SLC22A25: variants seen among roughly 807,000 people sequenced by gnomAD.
SLC22A25 encodes solute carrier family 22 member 25.
Under a neutral mutation model 45.9 loss-of-function variants are expected in SLC22A25, and 44 were observed. The observed-to-expected ratio is 0.96, with a 90% CI of 0.75 to 1.23. The LOEUF (loss-of-function observed/expected upper bound fraction) is 1.23, where lower values mean the gene tolerates loss of function less well. Ranked by LOEUF, SLC22A25 falls within the 50% of genes most tolerant of loss-of-function variation. SLC22A25 has a pLI of 0.00. For synonymous variants in SLC22A25, 283 were observed against 238.6 expected (o/e 1.19, Z -1.72); for missense variants, 800 against 666.4 (o/e 1.20, Z -2.21).
Position 63,227,937 on chromosome 11 carries a change from C to T in SLC22A25, c.506+524G>A, listed in dbSNP as rs75780693. The stretch of plus-strand genomic sequence containing the variant: ...AGCACTGAGTCCCAATGCAAAGTCC[C>T]GTAATTGCTGTGCTCTTCCTCCCCC... On this transcript the variant is annotated intron_variant, in intron 5 of 11. Coordinates refer to ENST00000306494, the MANE Select transcript of SLC22A25 (RefSeq NM_199352.6). 5.2e-3 allele frequency among the ~76,000 whole-genome samples: 796 copies of T among 152,290 alleles called. 38 individuals carry two copies. In the East Asian group the frequency reaches 0.11, roughly 21 times the overall value.
At position 63,228,526 on chromosome 11, in the gene SLC22A25, T is replaced by C. The variant is rs764098910; in HGVS notation, c.441A>G (p.Val147=). ...TTCCAGCCATGAATAGAAATTTAGC[T>C]ACTGAATTCAGTGGTTGAGATTCGC... ...LVCESQPLNS[V]AKFLFMAGMM... is the part of the protein sequence containing the mutation. The change falls in exon 5 of 12, where the codon GTA becomes GTG. Residue 147 remains valine, a synonymous_variant. Coordinates refer to ENST00000306494, the MANE Select transcript of SLC22A25 (RefSeq NM_199352.6). 3.7e-6 allele frequency: 6 copies of C among 1,613,914 alleles called. No individual in the cohort carries two copies. In the South Asian group the frequency reaches 5.5e-5, roughly 15 times the overall value.
chr11:63,178,146 C>T (rs1248355930), intron 9 of SLC22A25, among the ~76,000 whole-genome samples: 2 of 151,926 alleles, frequency 1.3e-5, no homozygotes, highest in Non-Finnish European at 2.9e-5. Flanking sequence ...CCACCTTGGC[C>T]TCCCAAAATT....
intron 3 of SLC22A25, among the ~76,000 whole-genome samples, chr11:63,232,658 T>C (rs949981975): frequency 1.4e-4 from 22 of 152,152 alleles, no homozygotes; most frequent in Non-Finnish European, 2.5e-4. Context: ...TGGCCAGAAC[T>C]TCCAACACTA....
In SLC22A25 at chr11:63,183,694, C is replaced by T. The variant is rs1183321737; in HGVS notation, c.954G>A (p.Glu318=). The change falls in exon 8 of 12, where the codon GAG becomes GAA. Residue 318 remains glutamate (E), a splice_region_variant and synonymous_variant. Coordinates refer to ENST00000306494, the MANE Select transcript of SLC22A25 (RefSeq NM_199352.6). ...CATATCCAGCTCCCGTCTTGCTTACCTCCATGGTTAGGATGTCTTCAGCAT... is the reference window on the plus strand; with the variant it reads ...CATATCCAGCTCCCGTCTTGCTTACTTCCATGGTTAGGATGTCTTCAGCAT... ...MKNAEDILTM[E]VLKSTMKQEL... is the part of the protein sequence containing the mutation. The T allele has an allele frequency of 1.2e-6, 2 of 1,612,724 alleles. No individual in the cohort carries two copies. Among genetic ancestry groups the T allele is most frequent in the Admixed American group, 1.7e-5 (1 of 59,938 alleles).
At chr11:63,183,598 G>T in intron 8 of SLC22A25, 96 bp downstream of exon 8, 1 of 1,520,168 alleles carries the variant, frequency 6.6e-7, no homozygotes, top group Non-Finnish European at 9.0e-7. Context: ...AACTCTACCT[G>T]TGTTTCTCTC....
rs537304477 is a variant in SLC22A25 at position 63,163,469 on chromosome 11, A to T, written c.*355T>A. Among the ~76,000 whole-genome samples the T allele has an allele frequency of 6.6e-6, 1 of 152,306 alleles. No homozygotes were observed. Among genetic ancestry groups the T allele is most frequent in the Admixed American group, 6.5e-5 (1 of 15,296 alleles). The stretch of plus-strand genomic sequence containing the variant: ...GGGAGTCAGGCCTGTAAGCACTGGC[A>T]ATCCCAGACAGCTAACAGGTACACT... On this transcript the variant is annotated 3_prime_UTR_variant, in exon 12 of 12. Coordinates refer to ENST00000306494, the MANE Select transcript of SLC22A25 (RefSeq NM_199352.6).
intron 5 of SLC22A25, among the ~76,000 whole-genome samples, chr11:63,219,622 T>C (rs2134821024): frequency 6.6e-6 from 1 of 152,320 alleles, no homozygotes; most frequent in African/African-American, 2.4e-5. Context: ...ATATCCAAAG[T>C]ATCAATTTGA....
At chr11:63,214,663 T>C (rs2089664417) in intron 7 of SLC22A25, among the ~76,000 whole-genome samples, 1 of 152,182 alleles carries the variant, frequency 6.6e-6, no homozygotes, top group Admixed American at 6.5e-5. Flanking sequence ...AATGATGTAA[T>C]GCATGTCTCA....
chr11:63,235,537 T>A (rs200093858), intron 3 of SLC22A25, among the ~76,000 whole-genome samples: 1 of 152,174 alleles, frequency 6.6e-6, no homozygotes, highest in Non-Finnish European at 1.5e-5. Context: ...ATTCTAGTTA[T>A]CCATTCATCT....
rs1332398475 is a variant in SLC22A25, at chr11:63,159,877, G to A, written c.*3947C>T. 6.6e-6 allele frequency among the ~76,000 whole-genome samples: 1 copy of A among 152,202 alleles called. No individual in the cohort carries two copies. Among genetic ancestry groups the A allele is most frequent in the Non-Finnish European group, 1.5e-5 (1 of 68,044 alleles). On this transcript the variant is annotated 3_prime_UTR_variant, in exon 12 of 12. Transcript: ENST00000306494. ...ACTTGTTGGTAACTGGAGTAAAGGT[G>A]ACTCTTGCTATATTTTAGTAAAGAG...
chr11:63,225,403 A>T (rs2089940965), intron 5 of SLC22A25, among the ~76,000 whole-genome samples: 1 of 152,188 alleles, frequency 6.6e-6, no homozygotes. Context: ...CAAATATAGT[A>T]TTATAGGGTA....
intron 7 of SLC22A25, among the ~76,000 whole-genome samples, chr11:63,194,889 G>GAAAAAAAAAAAAAAAA (rs1565091135): frequency 2.1e-4 from 3 of 14,288 alleles, no homozygotes; most frequent in Non-Finnish European, 4.2e-4. Context: ...CAAATGGAAA[G>GAAAAAAAAAAAAAAAA]CAAAAAAAAA....
rs537631792 is a variant in SLC22A25 at position 63,159,329 on chromosome 11, T to A, written c.*4495A>T. On this transcript the variant is annotated 3_prime_UTR_variant, in exon 12 of 12. Coordinates refer to ENST00000306494, the MANE Select transcript of SLC22A25 (RefSeq NM_199352.6). The stretch of plus-strand genomic sequence containing the variant: ...ATCTCATCTTGAATTATAGCTCCCA[T>A]AGTTCCCACCTGTCATGGGAGGGAG... Among the ~76,000 whole-genome samples, 16 of 152,268 alleles carry A rather than the reference T, an allele frequency of 1.1e-4. No individual in the cohort carries two copies. The highest frequency in any genetic ancestry group is 3.9e-4 in the African/African-American group (16 of 41,558).
chr11:63,222,595 A>C (rs1252903276), intron 5 of SLC22A25, among the ~76,000 whole-genome samples: 2 of 151,992 alleles, frequency 1.3e-5, no homozygotes, highest in Non-Finnish European at 2.9e-5. Context: ...CTTCTTTTCC[A>C]GTTGGGTGCT....
chr11:63,236,324 A>C (rs1011646090), intron 3 of SLC22A25, among the ~76,000 whole-genome samples: 3 of 151,816 alleles, frequency 2.0e-5, no homozygotes, highest in African/African-American at 4.8e-5. Flanking sequence ...TTGTTTACCT[A>C]CTCAAGCCTG....
chr11:63,217,378 G>C lies in SLC22A25; in HGVS notation c.766C>G (p.Arg256Gly). Residue 256 changes from arginine to glycine, a missense_variant, in exon 7 of 12, where the codon CGA becomes GGA. Transcript: ENST00000306494. Reference sequence around the variant, plus strand: ...ACCAACTGGAGGATGCACTGGTCTCGAATGACAAAAGCCAGGCTTCCCAGG... The same window carrying C: ...ACCAACTGGAGGATGCACTGGTCTCCAATGACAAAAGCCAGGCTTCCCAGG... ...ITLGSLAFVI[R>G]DQCILQLVMS... is the part of the protein sequence containing the mutation. 1 of 1,613,984 alleles carries C rather than the reference G, an allele frequency of 6.2e-7. No individual in the cohort carries two copies. Among genetic ancestry groups the C allele is most frequent in the Non-Finnish European group, 8.5e-7 (1 of 1,179,984 alleles).
chr11:63,174,122 A>G (rs1294007145), intron 9 of SLC22A25, among the ~76,000 whole-genome samples: 2 of 150,962 alleles, frequency 1.3e-5, no homozygotes. Flanking sequence ...TCATTGTTCA[A>G]CTCCCACTTA....
rs532274502 is a variant in SLC22A25, at chr11:63,217,226, A to G, written c.830+88T>C. 58 of 1,455,162 alleles carry G rather than the reference A, an allele frequency of 4.0e-5. 1 individual carries two copies. The South Asian group carries it at 7.7e-4, about 19-fold the overall frequency. 90.1% of individuals were successfully genotyped at this position (1,455,162 alleles called of 1,614,324 possible). On this transcript the variant is annotated intron_variant, in intron 7 of 11. Transcript: ENST00000306494. ...TAGGAGAATGTACTCAAGGCTAGAT[A>G]GAGGATCAAATGGAATTCATGTCCT...
intron 9 of SLC22A25, among the ~76,000 whole-genome samples, chr11:63,180,255 G>A (rs1212515526): frequency 6.6e-6 from 1 of 152,072 alleles, no homozygotes; most frequent in Non-Finnish European, 1.5e-5. Flanking sequence ...CAGTGTTTTA[G>A]AATTTTTTCT....
Sources: allele counts gnomAD v4.1 joint callset (sites outside exome capture counted in the v4.1 genomes callset), GRCh38; gene constraint gnomAD v4.1.1; transcripts MANE v1.5; gene names NCBI Gene and HGNC (gene_info 2026-07-23, HGNC 2026-07-21).